CDC42BPA: variants seen among roughly 807,000 people sequenced by gnomAD.
CDC42BPA encodes serine/threonine-protein kinase MRCK alpha.
Under a neutral mutation model 223.5 loss-of-function variants are expected in CDC42BPA, and 80 were observed. The ratio of observed to expected loss-of-function variants is 0.36; its 90% CI spans 0.30 to 0.43. CDC42BPA has a LOEUF of 0.43. Among genes scored for constraint, CDC42BPA ranks in the 20% least tolerant of loss-of-function variants. The probability of loss-of-function intolerance (pLI) is 1.00; values close to 1 mark genes in which losing one functional copy is unlikely to be tolerated. For missense variants in CDC42BPA, 1,743 were observed against 2,099.9 expected (o/e 0.83, Z 3.32); for synonymous variants, 694 against 718.6 (o/e 0.97, Z 0.55).
chr1:227,265,318 G>A (rs1684798803), intron 1 of CDC42BPA: 1 of 436,914 alleles, frequency 2.3e-6, no homozygotes, highest in Admixed American at 3.4e-5. Flanking sequence ...TACCTGTACA[G>A]GTACCTATAC....
chr1:227,046,075 G>T (rs1672385952), intron 23 of CDC42BPA, among the ~76,000 whole-genome samples: 1 of 152,084 alleles, frequency 6.6e-6, no homozygotes, highest in South Asian at 2.1e-4. Context: ...CAAAATGCTG[G>T]CATTACAGGT....
At chr1:227,183,850 C>T (rs1466674406) in intron 5 of CDC42BPA, among the ~76,000 whole-genome samples, 2 of 152,196 alleles carry the variant, frequency 1.3e-5, no homozygotes, top group Admixed American at 1.3e-4. Flanking sequence ...CATATCCTTG[C>T]TAGCATTTAG....
At chr1:227,226,995 C>T (rs544827477) in intron 2 of CDC42BPA, among the ~76,000 whole-genome samples, 2 of 152,154 alleles carry the variant, frequency 1.3e-5, no homozygotes, top group South Asian at 2.1e-4. Flanking sequence ...AATAAAAACT[C>T]AAGGAGTCAA....
At position 227,213,223 on chromosome 1, in the gene CDC42BPA, G is replaced by C. The variant is rs1207742339; in HGVS notation, c.271-4C>G. 2 of 1,385,770 alleles carry C rather than the reference G, an allele frequency of 1.4e-6. No individual in the cohort carries two copies. Among genetic ancestry groups the C allele is most frequent in the Non-Finnish European group, 2.0e-6 (2 of 994,644 alleles). 85.8% of individuals were successfully genotyped at this position (1,385,770 alleles called of 1,614,324 possible). A position where few individuals can be genotyped will look rare whatever the true frequency, so the allele number is the denominator to read the frequency against. ...TTTTTAGTTTTACTACAGCAACCTA[G>C]AAAAGATAAAGGAAATATAAATTTT... is the stretch of plus-strand genomic sequence containing the variant. On this transcript the variant is annotated splice_polypyrimidine_tract_variant and splice_region_variant and intron_variant, in intron 2 of 36. Transcript: ENST00000366766.
At chr1:227,261,134 G>A (rs78876865) in intron 1 of CDC42BPA, among the ~76,000 whole-genome samples, 2 of 28,472 alleles carry the variant, frequency 7.0e-5, no homozygotes, top group Admixed American at 3.0e-4. Context: ...CTTTTTTTTT[G>A]AGACAGAGTC....
rs781645541 is a variant in CDC42BPA at position 227,160,589 on chromosome 1, C to T, written c.647G>A (p.Arg216Gln). ...NILMDMNGHI[R>Q]LADFGSCLKL... ...CAGACAAGAACCAAAATCTGCTAAC[C>T]GAATATGTCCATTCATATCCATCAG... Residue 216 changes from arginine (R) to glutamine (Q), a missense_variant, in exon 6 of 37, where the codon CGG (arginine) becomes CAG (glutamine). By Grantham distance (43) the Arg-to-Gln change is conservative (BLOSUM62 1). Around this residue, in one of 6 missense-constraint regions of CDC42BPA, gnomAD observed 321 missense variants for 488.7 expected, o/e 0.66. Coordinates refer to ENST00000366766, the MANE Select transcript of CDC42BPA (RefSeq NM_001394014.1). 1.2e-6 allele frequency: 2 copies of T among 1,609,126 alleles called. No homozygotes were observed. The highest frequency in any genetic ancestry group is 1.7e-5 in the Admixed American group (1 of 59,968).
intron 19 of CDC42BPA, among the ~76,000 whole-genome samples, chr1:227,073,393 T>A (rs1430637166): frequency 6.6e-6 from 1 of 152,090 alleles, no homozygotes; most frequent in Admixed American, 6.5e-5. Context: ...TAAAGAAACA[T>A]GAAAAACAAT....
intron 19 of CDC42BPA, among the ~76,000 whole-genome samples, chr1:227,072,806 T>G (rs1678677983): frequency 6.6e-6 from 1 of 152,072 alleles, no homozygotes; most frequent in African/African-American, 2.4e-5. Context: ...TGTAAACTCA[T>G]CTGTCCTAGG....
intron 5 of CDC42BPA, among the ~76,000 whole-genome samples, chr1:227,162,713 G>A (rs73086775): frequency 0.16 from 24,179 of 152,110 alleles, 2,362 homozygotes; most frequent in African/African-American, 0.26. Flanking sequence ...GCACATGCTT[G>A]CGATCCCAGC....
intron 23 of CDC42BPA, among the ~76,000 whole-genome samples, chr1:227,045,022 T>A: frequency 6.6e-6 from 1 of 152,176 alleles, no homozygotes; most frequent in Non-Finnish European, 1.5e-5. Flanking sequence ...TCTATTGACC[T>A]GAAGACAACC....
At chr1:227,127,596 C>A (rs1656100122) in intron 11 of CDC42BPA, among the ~76,000 whole-genome samples, 1 of 152,140 alleles carries the variant, frequency 6.6e-6, no homozygotes, top group Non-Finnish European at 1.5e-5. Context: ...AACTCTAACA[C>A]AGACATTCAG....
intron 16 of CDC42BPA, among the ~76,000 whole-genome samples, chr1:227,087,051 C>T (rs953379922): frequency 3.9e-5 from 6 of 152,150 alleles, no homozygotes; most frequent in Admixed American, 1.3e-4. Context: ...CATCTGTGCA[C>T]GTCTTTTCAT....
chr1:227,147,183 T>G (rs570297279), intron 7 of CDC42BPA, among the ~76,000 whole-genome samples, 176 bp downstream of exon 7: 1 of 152,152 alleles, frequency 6.6e-6, no homozygotes, highest in Non-Finnish European at 1.5e-5. Flanking sequence ...ACAAGAAAAT[T>G]AGAACTAATA....
chr1:227,067,560 C>A (rs1677350233), intron 21 of CDC42BPA, among the ~76,000 whole-genome samples: 1 of 152,040 alleles, frequency 6.6e-6, no homozygotes, highest in Non-Finnish European at 1.5e-5. Context: ...ACATGCAATA[C>A]CACTGTACAC....
intron 1 of CDC42BPA, among the ~76,000 whole-genome samples, chr1:227,285,632 T>C (rs1688684957): frequency 1.3e-5 from 2 of 152,296 alleles, no homozygotes; most frequent in South Asian, 4.1e-4. Flanking sequence ...AATTGTATCC[T>C]CTGTGAGTCC....
chr1:227,131,088 TG>T (rs1379902443), intron 10 of CDC42BPA, among the ~76,000 whole-genome samples: 11 of 152,236 alleles, frequency 7.2e-5, no homozygotes, highest in Non-Finnish European at 1.5e-4. Flanking sequence ...TTTTACATGT[TG>T]TTCTCTGCTG....
intron 23 of CDC42BPA, among the ~76,000 whole-genome samples, chr1:227,043,303 C>T (rs887946597): frequency 2.6e-5 from 4 of 151,638 alleles, no homozygotes; most frequent in African/African-American, 9.7e-5. Context: ...GTCCCAGCTA[C>T]TCGGGAGGCT....
At chr1:227,013,263 T>C (rs1320748804) in intron 34 of CDC42BPA, among the ~76,000 whole-genome samples, 1 of 152,126 alleles carries the variant, frequency 6.6e-6, no homozygotes, top group Non-Finnish European at 1.5e-5. Context: ...GTTAACAAAA[T>C]CAGGTGACAA....
At chr1:227,046,839 T>C (rs963295049) in intron 23 of CDC42BPA, among the ~76,000 whole-genome samples, 1 of 152,158 alleles carries the variant, frequency 6.6e-6, no homozygotes, top group Admixed American at 6.5e-5. Context: ...AAATATTAAA[T>C]CCTTAAAAAT....
Sources: allele counts gnomAD v4.1 joint callset (sites outside exome capture counted in the v4.1 genomes callset), GRCh38; gene constraint gnomAD v4.1.1; regional missense constraint gnomAD v4.1.1; transcripts MANE v1.5; gene names NCBI Gene and HGNC (gene_info 2026-07-23, HGNC 2026-07-21).